ANKS1B: variants seen among roughly 807,000 people sequenced by gnomAD.
The protein encoded by ANKS1B is ankyrin repeat and sterile alpha motif domain containing 1B.
ANKS1B carries 36 observed loss-of-function variants against 148.3 expected under a neutral mutation model. That is an observed-to-expected ratio of 0.24 (90% CI 0.19 to 0.32). The LOEUF (loss-of-function observed/expected upper bound fraction) is 0.32. Ranked by LOEUF, ANKS1B falls within the 10% of genes least tolerant of loss-of-function variation. The probability of loss-of-function intolerance (pLI) is 1.00; values close to 1 mark genes in which losing one functional copy is unlikely to be tolerated. For missense variants in ANKS1B, 1,157 were observed against 1,542.6 expected, an observed-to-expected ratio of 0.75 and a Z score of 4.19; for synonymous variants, 542 against 560.8, an observed-to-expected ratio of 0.97 and a Z score of 0.47.
At position 98,938,402 on chromosome 12, in the gene ANKS1B, G is replaced by T. The variant is rs528227781; in HGVS notation, c.2779-106266C>A. ...AGCTTTCAAAAATATCAGTGCCCAG[G>T]CTCTGCTCATAGGGGTTTTGATTCA... On this transcript the variant is annotated intron_variant, in intron 17 of 26. Transcript: ENST00000683438. 9.2e-5 allele frequency among the ~76,000 whole-genome samples: 14 copies of T among 152,252 alleles called. No individual in the cohort carries two copies. The South Asian group carries it at 2.9e-3, about 32-fold the overall frequency.
chr12:98,781,587 T>A (rs989474788), intron 23 of ANKS1B: 3 of 378,966 alleles, frequency 7.9e-6, no homozygotes, highest in Non-Finnish European at 1.0e-5. Context: ...ACATCGGACT[T>A]AACTCCAAGG....
At chr12:99,226,582 CAT>C (rs2085970496) in intron 14 of ANKS1B, among the ~76,000 whole-genome samples, 1 of 152,144 alleles carries the variant, frequency 6.6e-6, no homozygotes, top group Non-Finnish European at 1.5e-5. Context: ...ATATAATACA[CAT>C]GTCACACGGA....
At chr12:99,538,863 C>G (rs756233096) in intron 9 of ANKS1B, among the ~76,000 whole-genome samples, 1 of 152,126 alleles carries the variant, frequency 6.6e-6, no homozygotes. Context: ...CAATGTGCTA[C>G]TAGCTATGGG....
chr12:98,909,176 T>C (rs959515888), intron 17 of ANKS1B, among the ~76,000 whole-genome samples: 4 of 152,188 alleles, frequency 2.6e-5, no homozygotes, highest in African/African-American at 7.2e-5. Context: ...AACAGCAGTA[T>C]ATTGTTATAT....
chr12:99,957,172 T>C (rs1468744476), intron 1 of ANKS1B, among the ~76,000 whole-genome samples: 2 of 152,210 alleles, frequency 1.3e-5, no homozygotes, highest in Non-Finnish European at 2.9e-5. Flanking sequence ...CTATACAGAC[T>C]AGAACATACC....
At chr12:99,662,828 T>C (rs2098484264) in intron 8 of ANKS1B, among the ~76,000 whole-genome samples, 1 of 152,108 alleles carries the variant, frequency 6.6e-6, no homozygotes, top group Admixed American at 6.5e-5. Context: ...ATAGTAATAA[T>C]TGGGTAGAAG....
chr12:99,939,646 C>G (rs1232582774), intron 1 of ANKS1B, among the ~76,000 whole-genome samples: 1 of 152,130 alleles, frequency 6.6e-6, no homozygotes, highest in African/African-American at 2.4e-5. Flanking sequence ...TTATCAGGAT[C>G]AAGGTAACTA....
intron 9 of ANKS1B, among the ~76,000 whole-genome samples, chr12:99,565,441 T>C (rs2097379505): frequency 6.6e-6 from 1 of 152,152 alleles, no homozygotes; most frequent in Non-Finnish European, 1.5e-5. Flanking sequence ...GCTATAGACA[T>C]CACAGTTCTA....
chr12:99,980,305 CTATTT>C (rs1264841098), intron 1 of ANKS1B, among the ~76,000 whole-genome samples: 4 of 151,940 alleles, frequency 2.6e-5, no homozygotes, highest in South Asian at 2.1e-4. Flanking sequence ...TTAATAGCTG[CTATTT>C]TATTTTAATT....
intron 17 of ANKS1B, among the ~76,000 whole-genome samples, chr12:98,845,964 TCA>T (rs1491541660): frequency 1.2e-5 from 1 of 84,826 alleles, no homozygotes; most frequent in Non-Finnish European, 2.4e-5. Flanking sequence ...TTAGAATTCT[TCA>T]TATATATATA....
intron 9 of ANKS1B, among the ~76,000 whole-genome samples, chr12:99,551,905 AC>A (rs1203607918): frequency 6.6e-6 from 1 of 151,464 alleles, no homozygotes; most frequent in Non-Finnish European, 1.5e-5. Flanking sequence ...TTATAATCTG[AC>A]TCCTGCTTGC....
At chr12:99,104,203 T>A (rs2058642282) in intron 15 of ANKS1B, among the ~76,000 whole-genome samples, 1 of 152,034 alleles carries the variant, frequency 6.6e-6, no homozygotes, top group African/African-American at 2.4e-5. Flanking sequence ...AGATGACAGA[T>A]AATAAAGATC....
At chr12:99,810,879 G>T (rs1015232005) in intron 3 of ANKS1B, among the ~76,000 whole-genome samples, 5 of 151,776 alleles carry the variant, frequency 3.3e-5, no homozygotes, top group Admixed American at 3.3e-4. Flanking sequence ...ACAATTTTAA[G>T]AATAACCACC....
At chr12:98,981,869 C>G (rs2099911481) in intron 17 of ANKS1B, among the ~76,000 whole-genome samples, 1 of 152,160 alleles carries the variant, frequency 6.6e-6, no homozygotes, top group Non-Finnish European at 1.5e-5. Flanking sequence ...TTAAAAGAGG[C>G]TACTTTAGTC....
chr12:99,283,604 T>A (rs1165078491), intron 12 of ANKS1B, among the ~76,000 whole-genome samples: 1 of 152,190 alleles, frequency 6.6e-6, no homozygotes, highest in East Asian at 1.9e-4. Context: ...TTTCAGAGGA[T>A]TTGTTTCAGT....
intron 25 of ANKS1B, among the ~76,000 whole-genome samples, chr12:98,761,438 C>T (rs1250339460): frequency 6.6e-6 from 1 of 152,166 alleles, no homozygotes; most frequent in African/African-American, 2.4e-5. Context: ...CTGCATTTCC[C>T]TTTTTGCCTT....
At chr12:99,939,181 T>TACTGGGCTCA (rs2094855510) in intron 1 of ANKS1B, among the ~76,000 whole-genome samples, 1 of 152,116 alleles carries the variant, frequency 6.6e-6, no homozygotes, top group Admixed American at 6.5e-5. Flanking sequence ...AGCCTCGACC[T>TACTGGGCTCA]ACTGGGCTCA....
At chr12:99,950,669 AT>A (rs1181582525) in intron 1 of ANKS1B, among the ~76,000 whole-genome samples, 1 of 151,716 alleles carries the variant, frequency 6.6e-6, no homozygotes, top group East Asian at 1.9e-4. Flanking sequence ...TGTTCTGTTC[AT>A]TTTTTTCCAA....
intron 17 of ANKS1B, among the ~76,000 whole-genome samples, chr12:98,893,131 T>C (rs2152700527): frequency 1.3e-5 from 2 of 152,350 alleles, no homozygotes; most frequent in Non-Finnish European, 2.9e-5. Context: ...CCAGGCAGCA[T>C]GCATCTGTTT....
Sources: allele counts gnomAD v4.1 joint callset (sites outside exome capture counted in the v4.1 genomes callset), GRCh38; gene constraint gnomAD v4.1.1; transcripts MANE v1.5; gene names NCBI Gene and HGNC (gene_info 2026-07-23, HGNC 2026-07-21).